The following NCAM2 variants were observed in gnomAD, a reference collection of about 807,000 sequenced individuals.
The protein encoded by NCAM2 is N-CAM-2.
NCAM2 carries 30 observed loss-of-function variants against 98.1 expected under a neutral mutation model. The observed-to-expected ratio is 0.31, with a 90% CI of 0.23 to 0.41. The LOEUF (loss-of-function observed/expected upper bound fraction) is 0.41, where lower values mean the gene tolerates loss of function less well. Among genes scored for constraint, NCAM2 ranks in the 10% least tolerant of loss-of-function variants. The pLI is 1.00. For synonymous variants in NCAM2, 368 were observed against 342.4 expected (o/e 1.07, Z -0.83); for missense variants, 867 against 1,005.8 (o/e 0.86, Z 1.87).
At chr21:21,399,347 A>G (rs555545693) in intron 9 of NCAM2, among the ~76,000 whole-genome samples, 52 of 152,304 alleles carry the variant, frequency 3.4e-4, no homozygotes, top group Non-Finnish European at 5.4e-4. Flanking sequence ...ACACTATTAC[A>G]TGTGAAAATA....
At chr21:21,292,052 G>A (rs1283930368) in intron 4 of NCAM2, 52 bp from the exon 5 acceptor site, 2 of 1,573,498 alleles carry the variant, frequency 1.3e-6, no homozygotes, top group African/African-American at 2.7e-5. Flanking sequence ...GAGCACTCTG[G>A]ACTTAGCCTT....
At chr21:21,199,103 C>T (rs1416648044) in intron 1 of NCAM2, among the ~76,000 whole-genome samples, 1 of 152,238 alleles carries the variant, frequency 6.6e-6, no homozygotes. Context: ...CTCTACATTT[C>T]GATATCCCTA....
At chr21:21,021,183 AT>A (rs141273460) in intron 1 of NCAM2, among the ~76,000 whole-genome samples, 3,804 of 148,882 alleles carry the variant, frequency 0.026, 82 homozygotes, top group African/African-American at 0.056. Flanking sequence ...TCTATGGATC[AT>A]TTTTTTTTTG....
chr21:21,218,920 G>T (rs1442961831), intron 1 of NCAM2, among the ~76,000 whole-genome samples: 2 of 152,204 alleles, frequency 1.3e-5, no homozygotes, highest in African/African-American at 2.4e-5. Context: ...GCACATGCCT[G>T]TAATCCCAGT....
At chr21:21,421,796 G>A (rs1171520199) in intron 11 of NCAM2, among the ~76,000 whole-genome samples, 1 of 152,188 alleles carries the variant, frequency 6.6e-6, no homozygotes, top group Non-Finnish European at 1.5e-5. Context: ...CAGTGTAAGA[G>A]AATACCTTAC....
chr21:21,250,238 T>A (rs2071422272), intron 1 of NCAM2, among the ~76,000 whole-genome samples: 1 of 152,194 alleles, frequency 6.6e-6, no homozygotes, highest in East Asian at 1.9e-4. Context: ...AACTGGATGC[T>A]AGAAAAAATT....
intron 1 of NCAM2, among the ~76,000 whole-genome samples, chr21:21,013,393 A>G (rs1420805689): frequency 6.6e-6 from 1 of 152,236 alleles, no homozygotes; most frequent in African/African-American, 2.4e-5. Context: ...ATCCAGAGAA[A>G]GGTCCTAATA....
intron 1 of NCAM2, among the ~76,000 whole-genome samples, chr21:21,129,450 T>C (rs1601446051): frequency 6.6e-6 from 1 of 152,146 alleles, no homozygotes; most frequent in Admixed American, 6.5e-5. Flanking sequence ...TGTAGAATAT[T>C]GTCTATTTTC....
chr21:21,193,910 G>A (rs537034084), intron 1 of NCAM2, among the ~76,000 whole-genome samples: 2 of 152,190 alleles, frequency 1.3e-5, no homozygotes, highest in African/African-American at 4.8e-5. Flanking sequence ...AATTAAATAT[G>A]GGTATTGAAT....
At chr21:21,087,409 C>A (rs1326831692) in intron 1 of NCAM2, among the ~76,000 whole-genome samples, 1 of 152,142 alleles carries the variant, frequency 6.6e-6, no homozygotes, top group Non-Finnish European at 1.5e-5. Context: ...TCCTCATCTA[C>A]TGTCGCTGCT....
chr21:21,395,176 A>C (rs1345912426), intron 9 of NCAM2, among the ~76,000 whole-genome samples: 1 of 152,090 alleles, frequency 6.6e-6, no homozygotes, highest in Non-Finnish European at 1.5e-5. Context: ...TATTAAGAAT[A>C]CAAAAAAAAT....
At chr21:21,315,383 T>C (rs1010381194) in intron 5 of NCAM2, among the ~76,000 whole-genome samples, 1 of 152,194 alleles carries the variant, frequency 6.6e-6, no homozygotes, top group Non-Finnish European at 1.5e-5. Context: ...TACTTTCCTA[T>C]TTCTTAGGTC....
intron 1 of NCAM2, among the ~76,000 whole-genome samples, chr21:21,213,018 G>A (rs980420853): frequency 2.6e-5 from 4 of 152,066 alleles, no homozygotes; most frequent in Non-Finnish European, 5.9e-5. Flanking sequence ...GGGATTATAG[G>A]CATGAGCCAC....
intron 1 of NCAM2, among the ~76,000 whole-genome samples, chr21:21,000,722 G>A (rs566213387): frequency 2.6e-5 from 4 of 151,996 alleles, no homozygotes; most frequent in African/African-American, 9.7e-5. Context: ...TCAGAGAGAC[G>A]TAGCTTTTGT....
At chr21:21,156,450 T>C (rs1206461653) in intron 1 of NCAM2, among the ~76,000 whole-genome samples, 2 of 151,952 alleles carry the variant, frequency 1.3e-5, no homozygotes, top group East Asian at 3.9e-4. Context: ...ACAATACAAA[T>C]ACAGTATACC....
chr21:21,158,382 G>A (rs530462366), intron 1 of NCAM2, among the ~76,000 whole-genome samples: 58 of 152,206 alleles, frequency 3.8e-4, no homozygotes, highest in African/African-American at 1.3e-3. Flanking sequence ...GGAGACCAAG[G>A]TGGGCAGATC....
chr21:21,268,701 C>A (rs1310950986), intron 1 of NCAM2, among the ~76,000 whole-genome samples: 3 of 152,184 alleles, frequency 2.0e-5, no homozygotes, highest in Non-Finnish European at 4.4e-5. Flanking sequence ...CACTTTGCTT[C>A]ATCGGAGAAG....
At chr21:21,377,504 A>C (rs1479457387) in intron 9 of NCAM2, among the ~76,000 whole-genome samples, 1 of 151,948 alleles carries the variant, frequency 6.6e-6, no homozygotes, top group Non-Finnish European at 1.5e-5. Flanking sequence ...TTGACAAATA[A>C]AAATTGTATA....
chr21:21,245,009 A>G (rs1488378679), intron 1 of NCAM2, among the ~76,000 whole-genome samples: 2 of 152,188 alleles, frequency 1.3e-5, no homozygotes, highest in South Asian at 2.1e-4. Context: ...TAAAATAACC[A>G]GTATTCAAGG....
Sources: allele counts gnomAD v4.1 joint callset (sites outside exome capture counted in the v4.1 genomes callset), GRCh38; gene constraint gnomAD v4.1.1; transcripts MANE v1.5; gene names NCBI Gene and HGNC (gene_info 2026-07-23, HGNC 2026-07-21).